GRK6: variants seen among roughly 807,000 people sequenced by gnomAD.
GRK6 encodes the protein G protein-coupled receptor kinase 6.
GRK6 carries 37 observed loss-of-function variants against 80.8 expected under a neutral mutation model. The observed-to-expected ratio is 0.46, with a 90% CI of 0.35 to 0.60. GRK6 has a LOEUF of 0.60. GRK6 is among the 20% of genes least tolerant of loss of function. GRK6 has a pLI of 0.00. For synonymous variants in GRK6, 295 were observed against 320.9 expected (o/e 0.92, Z 0.86); for missense variants, 560 against 784.6 (o/e 0.71, Z 3.42).
In GRK6 at chr5:177,429,062, G is replaced by A. The variant is rs375646279; in HGVS notation, c.53-1810G>A. Among the ~76,000 whole-genome samples the A allele has an allele frequency of 2.0e-5, 3 of 152,130 alleles. No individual in the cohort carries two copies. The highest frequency in any genetic ancestry group is 7.2e-5 in the African/African-American group (3 of 41,418). Reference sequence around the variant, plus strand: ...AGCTGGGTACGAATCCTGTACCCAGGATTGGTCTCTGGGCTTGGTCATCTT... The same window carrying A: ...AGCTGGGTACGAATCCTGTACCCAGAATTGGTCTCTGGGCTTGGTCATCTT... On this transcript the variant is annotated intron_variant, in intron 1 of 15. Transcript: ENST00000355472. The surrounding 1 kb of genome is among the most constrained non-coding windows in gnomAD (Gnocchi z 4.3).
intron 9 of GRK6, 24 bp downstream of exon 9, chr5:177,434,128 G>A: frequency 3.3e-6 from 5 of 1,525,996 alleles, no homozygotes; most frequent in Non-Finnish European, 4.4e-6. Context: ...GGCCACCCCA[G>A]GGGCTTAGTC....
intron 8 of GRK6, 83 bp from the exon 9 acceptor site, chr5:177,433,831 G>A (rs1764017781): frequency 6.7e-7 from 1 of 1,486,074 alleles, no homozygotes; most frequent in Non-Finnish European, 9.0e-7. Flanking sequence ...CCAAGGAGTG[G>A]CACCGAGAAG....
In GRK6 at chr5:177,430,911, G is replaced by T; in HGVS notation, c.92G>T (p.Arg31Leu). The change falls in exon 2 of 16, where the codon CGG becomes CTG. Residue 31 changes from arginine (R) to leucine (L), a missense_variant. Physicochemically the swap from Arg to Leu is moderately radical, Grantham distance 102 (BLOSUM62 -2). Transcript: ENST00000355472. Reference sequence around the variant, plus strand: ...CGCAAAGGCAAAAGCAAGAAATGGCGGCAGATGCTCCAGTTCCCTCACATC... The same window carrying T: ...CGCAAAGGCAAAAGCAAGAAATGGCTGCAGATGCTCCAGTTCCCTCACATC... The part of the protein sequence containing the change: ...GNRKGKSKKW[R>L]QMLQFPHISQ... 6.2e-7 allele frequency: 1 copy of T among 1,614,070 alleles called. No homozygotes were observed. Among genetic ancestry groups the T allele is most frequent in the Non-Finnish European group, 8.5e-7 (1 of 1,179,994 alleles).
intron 13 of GRK6, among the ~76,000 whole-genome samples, chr5:177,437,924 C>T (rs1764239851): frequency 6.6e-6 from 1 of 152,204 alleles, no homozygotes; most frequent in Admixed American, 6.5e-5. Flanking sequence ...TTTATTGATT[C>T]AGCAAATAGC....
rs1466774960 is a variant in GRK6, at chr5:177,440,946, CTGAATGTCT to C, written c.1572_1580del (p.Asn525_Phe527del). The C allele has an allele frequency of 6.2e-7, 1 of 1,613,894 alleles. No homozygotes were observed. The highest frequency in any genetic ancestry group is 2.2e-5 in the East Asian group (1 of 44,900). On this transcript the variant is annotated inframe_deletion, in exon 15 of 16. Coordinates refer to ENST00000355472, the MANE Select transcript of GRK6 (RefSeq NM_001004106.3). ...GGTGGAGACCGAGTGCTTCCAAGAG[CTGAATGTCT>C]TTGGGCTGGATGGCTCAGTTCCCCC...
At chr5:177,435,168 A>G (rs754398191) in intron 11 of GRK6, 47 bp downstream of exon 11, 2 of 1,410,762 alleles carry the variant, frequency 1.4e-6, no homozygotes, top group Admixed American at 1.8e-5. Context: ...TTCCCTCACT[A>G]TCCACCCACC....
At chr5:177,441,645 C>T in intron 15 of GRK6, 92 bp from the exon 16 acceptor site, 2 of 1,092,686 alleles carry the variant, frequency 1.8e-6, no homozygotes, top group South Asian at 2.5e-5. Flanking sequence ...CCTGGCCTGC[C>T]CTGGCAGGGT....
chr5:177,440,368 G>T (rs1318847457), intron 13 of GRK6, among the ~76,000 whole-genome samples: 1 of 152,224 alleles, frequency 6.6e-6, no homozygotes, highest in Non-Finnish European at 1.5e-5. Flanking sequence ...CAGCGGAGGG[G>T]CCGGCTGAGA....
At chr5:177,434,732 A>G (rs756664317) in intron 9 of GRK6, among the ~76,000 whole-genome samples, 170 bp from the exon 10 acceptor site, 3 of 152,278 alleles carry the variant, frequency 2.0e-5, no homozygotes, top group Non-Finnish European at 4.4e-5. Flanking sequence ...TGCTCCCTTG[A>G]GTCCGGGCTG....
chr5:177,433,788 G>A, intron 8 of GRK6, 112 bp downstream of exon 8: 1 of 1,531,864 alleles, frequency 6.5e-7, no homozygotes. Context: ...CGGGTTTGGG[G>A]TGTTGACACC....
At chr5:177,433,741 C>T in intron 8 of GRK6, 65 bp downstream of exon 8, 1 of 1,586,730 alleles carries the variant, frequency 6.3e-7, no homozygotes, top group Non-Finnish European at 8.6e-7. Context: ...TCCCCACCCC[C>T]CAGGCCCCAC....
Position 177,439,401 on chromosome 5 carries a change from G to A in GRK6, c.1405-1299G>A, listed in dbSNP as rs966542886. ...CTAAAAATACAAAAATTAGCTGGACGTGGTGGCGCATGCCGGTAATCTCAC... is the reference window on the plus strand; with the variant it reads ...CTAAAAATACAAAAATTAGCTGGACATGGTGGCGCATGCCGGTAATCTCAC... On this transcript the variant is annotated intron_variant, in intron 13 of 15. Coordinates refer to ENST00000355472, the MANE Select transcript of GRK6 (RefSeq NM_001004106.3). Among the ~76,000 whole-genome samples the A allele has an allele frequency of 3.3e-5, 5 of 151,986 alleles. No homozygotes were observed. In the South Asian group the frequency reaches 6.2e-4, roughly 19 times the overall value.
chr5:177,439,936 T>C (rs1049979089), intron 13 of GRK6: 1 of 152,308 alleles, frequency 6.6e-6, no homozygotes, highest in African/African-American at 2.4e-5. Context: ...TGGTAGACAT[T>C]AAGATTGTTC....
intron 13 of GRK6, among the ~76,000 whole-genome samples, chr5:177,437,191 G>A (rs1764199863): frequency 6.6e-6 from 1 of 152,170 alleles, no homozygotes. Flanking sequence ...CTGACCTCAG[G>A]TGATCCTCTT....
intron 1 of GRK6, 78 bp from the exon 2 acceptor site, chr5:177,430,794 G>C: frequency 1.6e-6 from 2 of 1,277,332 alleles, no homozygotes; most frequent in East Asian, 2.4e-5. Context: ...GGCCCTAGAG[G>C]CCGTGGACCG....
chr5:177,431,038 G>A lies in GRK6; in HGVS notation c.148+71G>A, dbSNP rs1005314446. 1.1e-5 allele frequency: 15 copies of A among 1,352,964 alleles called. No homozygotes were observed. In the Admixed American group the frequency reaches 2.0e-4, roughly 18 times the overall value. The allele number at this position is 1,352,964 out of a possible 1,614,324, so 83.8% of individuals were successfully genotyped here. A position where few individuals can be genotyped will look rare whatever the true frequency, so the allele number is the denominator to read the frequency against. ...CTGGGGCCGGGGGAGCCTCCCCTGA[G>A]ACCTTGCCCCGGAGCAGAGGGGCAG... is the stretch of plus-strand genomic sequence containing the variant. On this transcript the variant is annotated intron_variant, in intron 2 of 15. Coordinates refer to ENST00000355472, the MANE Select transcript of GRK6 (RefSeq NM_001004106.3).
chr5:177,435,524 GC>G (rs1764102943), intron 11 of GRK6, among the ~76,000 whole-genome samples: 1 of 152,234 alleles, frequency 6.6e-6, no homozygotes, highest in Admixed American at 6.5e-5. Flanking sequence ...TCCTGGCTCT[GC>G]AGGCTCCGCC....
intron 13 of GRK6, among the ~76,000 whole-genome samples, chr5:177,439,257 G>A (rs335432): frequency 0.4 from 61,262 of 151,950 alleles, 13,990 homozygotes; most frequent in Non-Finnish European, 0.54. Context: ...TGTACAATTC[G>A]GCTGGGCGTG....
In GRK6 at chr5:177,430,965, T is replaced by C; in HGVS notation, c.146T>C (p.Leu49Pro). ...CAGTGCGAAGAGCTGCGGCTCAGCC[T>C]CGGTGAGGCCTGGGCAGAGACTGGG... ...ISQCEELRLS[L>P]ERDYHSLCER... Residue 49 changes from leucine to proline, a missense_variant and splice_region_variant, in exon 2 of 16, where the codon CTC becomes CCC. By Grantham distance (98) the Leu-to-Pro change is moderately conservative. Transcript: ENST00000355472. 6.2e-7 allele frequency: 1 copy of C among 1,612,878 alleles called. No homozygotes were observed. Among genetic ancestry groups the C allele is most frequent in the East Asian group, 2.2e-5 (1 of 44,862 alleles).
Sources: gnomAD v4.1 joint callset for allele counts (sites outside exome capture counted in the v4.1 genomes callset) on GRCh38, gnomAD v4.1.1 for gene constraint, Gnocchi (gnomAD v3.1) non-coding constraint, MANE v1.5 for transcripts, NCBI Gene and HGNC (gene_info 2026-07-23, HGNC 2026-07-21) for gene names.